The following CSPP1 variants were observed in gnomAD, a reference collection of about 807,000 sequenced individuals.
The protein encoded by CSPP1 is centrosome and spindle pole associated protein 1, also known as centrosome and spindle pole-associated protein 1.
CSPP1 carries 126 observed loss-of-function variants against 164.4 expected under a neutral mutation model. The observed-to-expected ratio is 0.77, with a 90% CI of 0.66 to 0.89. The LOEUF (loss-of-function observed/expected upper bound fraction) is 0.89. Ranked by LOEUF, CSPP1 falls within the 40% of genes least tolerant of loss-of-function variation. The pLI is 0.00. For synonymous variants in CSPP1, 472 were observed against 476.7 expected, an observed-to-expected ratio of 0.99 and a Z score of 0.13; for missense variants, 1,395 against 1,449.8, an observed-to-expected ratio of 0.96 and a Z score of 0.61.
rs1402669959 is a variant in CSPP1 at position 67,154,115 on chromosome 8, C to A, written c.2220C>A (p.Tyr740Ter). 6.4e-7 allele frequency: 1 copy of A among 1,552,830 alleles called. No individual in the cohort carries two copies. Among genetic ancestry groups the A allele is most frequent in the Non-Finnish European group, 8.9e-7 (1 of 1,125,858 alleles). ...TTCAGATTAAACAGCAAGAATTATA[C>A]AAGAATTTTCTTCGTTTCCAGGTGA... is the stretch of plus-strand genomic sequence containing the variant. Reference protein sequence around the residue: ...TELQIKQQELYKNFLRFQIEE... With the variant: ...TELQIKQQEL Residue 740 changes from tyrosine to a stop codon, truncating the protein, a stop_gained, in exon 19 of 31, where the codon TAC (tyrosine) becomes TAA (stop). Transcript: ENST00000678616. LOFTEE classifies it high-confidence loss of function.
intron 24 of CSPP1, among the ~76,000 whole-genome samples, chr8:67,165,452 A>G (rs192469517): frequency 8.5e-4 from 130 of 152,298 alleles, no homozygotes; most frequent in Middle Eastern, 6.8e-3. Context: ...CCAGTTTTCT[A>G]CTAATGTTCT....
intron 3 of CSPP1, among the ~76,000 whole-genome samples, chr8:67,077,606 T>C (rs1233915912): frequency 6.6e-6 from 1 of 152,224 alleles, no homozygotes; most frequent in Non-Finnish European, 1.5e-5. Context: ...CTCCCAAAGC[T>C]GGGGTTACAG....
chr8:67,184,956 A>G (rs1204822034), intron 28 of CSPP1, among the ~76,000 whole-genome samples: 3 of 124,574 alleles, frequency 2.4e-5, no homozygotes, highest in Admixed American at 7.8e-5. Context: ...AAAAAAAAAA[A>G]AAAAAAAAAA....
chr8:67,113,223 C>T (rs1367142775), intron 10 of CSPP1, among the ~76,000 whole-genome samples: 4 of 151,954 alleles, frequency 2.6e-5, no homozygotes, highest in South Asian at 2.1e-4. Flanking sequence ...CCAGCCTGGG[C>T]GACAGGGTGA....
chr8:67,193,634 A>G, intron 30 of CSPP1, 32 bp downstream of exon 30: 1 of 1,581,794 alleles, frequency 6.3e-7, no homozygotes, highest in South Asian at 1.1e-5. Context: ...CCTATAGTAG[A>G]ATCCTGTATG....
At chr8:67,160,016 C>CTT (rs1209439608) in intron 21 of CSPP1, among the ~76,000 whole-genome samples, 19 of 64,562 alleles carry the variant, frequency 2.9e-4, no homozygotes, top group Admixed American at 1.8e-4. Context: ...CTTTTCTTTT[C>CTT]TTTTCTTTTC....
intron 24 of CSPP1, among the ~76,000 whole-genome samples, chr8:67,167,457 G>A (rs1451861169): frequency 7.5e-4 from 108 of 143,430 alleles, no homozygotes; most frequent in African/African-American, 2.1e-3. Flanking sequence ...CCCACCTCCC[G>A]GATGGGGCGG....
intron 24 of CSPP1, among the ~76,000 whole-genome samples, chr8:67,169,628 CAG>C (rs1048229038): frequency 6.6e-5 from 10 of 151,994 alleles, no homozygotes; most frequent in Admixed American, 5.2e-4. Flanking sequence ...TTAGTAGAGA[CAG>C]GGTTTCACCA....
intron 15 of CSPP1, among the ~76,000 whole-genome samples, chr8:67,122,072 T>C (rs1819081266): frequency 6.6e-6 from 1 of 151,912 alleles, no homozygotes; most frequent in Non-Finnish European, 1.5e-5. Context: ...GACCTCATTC[T>C]TCCCATCACA....
At chr8:67,107,865 A>AT (rs1815909080) in intron 9 of CSPP1, among the ~76,000 whole-genome samples, 2 of 151,788 alleles carry the variant, frequency 1.3e-5, no homozygotes, top group African/African-American at 4.8e-5. Context: ...ATTTCCAAGC[A>AT]TTTGGGGATT....
At chr8:67,134,216 G>A (rs920560236) in intron 16 of CSPP1, 3 of 152,170 alleles carry the variant, frequency 2.0e-5, no homozygotes, top group African/African-American at 7.2e-5. Flanking sequence ...ATCCATCAGA[G>A]GAATTACTCT....
At chr8:67,093,672 T>C (rs751264026) in intron 6 of CSPP1, 31 bp downstream of exon 6, 1 of 1,152,242 alleles carries the variant, frequency 8.7e-7, no homozygotes, top group Non-Finnish European at 1.3e-6. Context: ...AAATCTGTAC[T>C]ACTACTACCA....
At chr8:67,076,629 C>A in intron 3 of CSPP1, 48 bp downstream of exon 3, 3 of 1,027,262 alleles carry the variant, frequency 2.9e-6, no homozygotes, top group South Asian at 1.5e-5. Context: ...CCTTAGTGGG[C>A]TCTTCTGAAA....
In CSPP1 at chr8:67,196,240, A is replaced by C. The variant is rs1837913054; in HGVS notation, c.*647A>C. The stretch of plus-strand genomic sequence containing the variant: ...GATGTAACTACTTCTTGATATAAAT[A>C]AATTTTTATTTTAATTACTAAAATC... On this transcript the variant is annotated 3_prime_UTR_variant, in exon 31 of 31. Coordinates refer to ENST00000678616, the MANE Select transcript of CSPP1 (RefSeq NM_001382391.1). The C allele has an allele frequency of 6.6e-6, 1 of 152,210 alleles. No individual in the cohort carries two copies. The highest frequency in any genetic ancestry group is 1.5e-5 in the Non-Finnish European group (1 of 68,044). The allele number at this position is 152,210 out of a possible 1,614,324, so 9.4% of individuals were successfully genotyped here. A position where few individuals can be genotyped will look rare whatever the true frequency, so the allele number is the denominator to read the frequency against.
chr8:67,080,215 T>C (rs190742548), intron 3 of CSPP1, among the ~76,000 whole-genome samples: 2 of 152,322 alleles, frequency 1.3e-5, no homozygotes, highest in African/African-American at 4.8e-5. Flanking sequence ...ATAGGTCAGA[T>C]TTGGAAATGA....
chr8:67,064,437 G>T lies in CSPP1; in HGVS notation c.-112G>T. The T allele has an allele frequency of 6.2e-7, 1 of 1,613,914 alleles. No individual in the cohort carries two copies. Among genetic ancestry groups the T allele is most frequent in the East Asian group, 2.2e-5 (1 of 44,860 alleles). ...TCCAGGTGGCCGCTGTAACCTCTTC[G>T]GTCCGCGACGATCCTCTAGAGCACT... On this transcript the variant is annotated 5_prime_UTR_variant, in exon 1 of 31. Transcript: ENST00000678616.
At chr8:67,106,112 G>A (rs1815468311) in intron 9 of CSPP1, 137 bp downstream of exon 9, 1 of 577,928 alleles carries the variant, frequency 1.7e-6, no homozygotes, top group Non-Finnish European at 3.1e-6. Context: ...TTTACACTAG[G>A]TACTATTCTA....
chr8:67,171,130 C>T (rs1185183991), intron 24 of CSPP1, among the ~76,000 whole-genome samples: 4 of 144,708 alleles, frequency 2.8e-5, no homozygotes, highest in African/African-American at 1.0e-4. Flanking sequence ...GGTGCAGTGG[C>T]TCATGCACGC....
intron 10 of CSPP1, among the ~76,000 whole-genome samples, chr8:67,112,305 T>C (rs2129550019): frequency 6.6e-6 from 1 of 151,816 alleles, no homozygotes; most frequent in South Asian, 2.1e-4. Flanking sequence ...GCCCTTTTAC[T>C]TCCCTCATTG....
Sources: gnomAD v4.1 joint callset for allele counts (sites outside exome capture counted in the v4.1 genomes callset) on GRCh38, gnomAD v4.1.1 for gene constraint, MANE v1.5 for transcripts, NCBI Gene and HGNC (gene_info 2026-07-23, HGNC 2026-07-21) for gene names.